ELF2: variants seen among roughly 807,000 people sequenced by gnomAD.
ELF2 encodes the protein E74 like ETS transcription factor 2, also known as ETS-related transcription factor Elf-2.
Under a neutral mutation model 54.8 loss-of-function variants are expected in ELF2, and 11 were observed. The observed-to-expected ratio is 0.20, with a 90% CI of 0.13 to 0.33. The LOEUF (loss-of-function observed/expected upper bound fraction) is 0.33. Among genes scored for constraint, ELF2 ranks in the 10% least tolerant of loss-of-function variants. The pLI is 1.00. For synonymous variants in ELF2, 203 were observed against 245.1 expected, an observed-to-expected ratio of 0.83 and a Z score of 1.61; for missense variants, 513 against 703.0, an observed-to-expected ratio of 0.73 and a Z score of 3.06.
intron 4 of ELF2, among the ~76,000 whole-genome samples, chr4:139,095,384 C>A (rs1037460449): frequency 6.6e-6 from 1 of 151,962 alleles, no homozygotes; most frequent in African/African-American, 2.4e-5. Flanking sequence ...AGAGTTTCGC[C>A]ATGTTGGCCA....
At chr4:139,079,607 G>A (rs1578726315) in intron 4 of ELF2, among the ~76,000 whole-genome samples, 3 of 152,350 alleles carry the variant, frequency 2.0e-5, no homozygotes, top group Admixed American at 2.0e-4. Flanking sequence ...ACATCAGGGT[G>A]TAGATGACAA....
chr4:139,115,294 G>A, intron 4 of ELF2: 3 of 1,590,572 alleles, frequency 1.9e-6, no homozygotes, highest in Non-Finnish European at 2.6e-6. Flanking sequence ...GAAAGTAGAC[G>A]CGTGGTCCTG....
At chr4:139,069,441 T>C (rs1170988748) in intron 6 of ELF2, among the ~76,000 whole-genome samples, 1 of 152,224 alleles carries the variant, frequency 6.6e-6, no homozygotes, top group Admixed American at 6.5e-5. Flanking sequence ...TATTTATACA[T>C]ATGAATCAGA....
At chr4:139,092,389 T>TAACAACATAACATAACA (rs1553959617) in intron 4 of ELF2, among the ~76,000 whole-genome samples, 1 of 116,960 alleles carries the variant, frequency 8.5e-6, no homozygotes, top group Non-Finnish European at 1.8e-5. Context: ...TAACATAACA[T>TAACAACATAACATAACA]AACATAACAT....
At chr4:139,143,726 G>A (rs1738942105) in intron 1 of ELF2, among the ~76,000 whole-genome samples, 1 of 152,130 alleles carries the variant, frequency 6.6e-6, no homozygotes, top group Non-Finnish European at 1.5e-5. Context: ...GTTGCAGTGA[G>A]CCAAGATCGA....
chr4:139,059,729 G>A lies in ELF2; in HGVS notation c.1158-122C>T, dbSNP rs904365641. 3 of 1,136,292 alleles carry A rather than the reference G, an allele frequency of 2.6e-6. No individual in the cohort carries two copies. The African/African-American group carries it at 4.7e-5, about 18-fold the overall frequency. 70.4% of individuals were successfully genotyped at this position (1,136,292 alleles called of 1,614,324 possible). On this transcript the variant is annotated intron_variant, in intron 9 of 9. Coordinates refer to ENST00000686138, the MANE Select transcript of ELF2 (RefSeq NM_001331036.3). ...AATTAGTGCTCCCAAATTTTACAGA[G>A]GTACTGGCAATCCCTGATGTTTGAC...
chr4:139,157,900 G>A (rs548763122), intron 1 of ELF2, among the ~76,000 whole-genome samples: 76 of 152,302 alleles, frequency 5.0e-4, no homozygotes, highest in South Asian at 4.8e-3. Flanking sequence ...GGCCAGTGGC[G>A]CAATGGATAA....
At position 139,137,660 on chromosome 4, in the gene ELF2, C is replaced by G; in HGVS notation, c.42G>C (p.Glu14Asp). 1 of 1,614,056 alleles carries G rather than the reference C, an allele frequency of 6.2e-7. No homozygotes were observed. Among genetic ancestry groups the G allele is most frequent in the Non-Finnish European group, 8.5e-7 (1 of 1,180,000 alleles). Reference sequence around the variant, plus strand: ...GATTTTCTACTCCATTGCTGGAAAGCTCCAAAATAGTACCTCCACTGTCAA... The same window carrying G: ...GATTTTCTACTCCATTGCTGGAAAGGTCCAAAATAGTACCTCCACTGTCAA... Reference protein sequence around the residue: ...AVVDSGGTILELSSNGVENQE... With the variant: ...AVVDSGGTILDLSSNGVENQE... Residue 14 changes from glutamate (E) to aspartate (D), a missense_variant, in exon 3 of 10, where the codon GAG becomes GAC. By Grantham distance (45) the Glu-to-Asp change is conservative. Coordinates refer to ENST00000686138, the MANE Select transcript of ELF2 (RefSeq NM_001331036.3).
chr4:139,108,391 A>G (rs577684135), intron 4 of ELF2, among the ~76,000 whole-genome samples: 1 of 152,270 alleles, frequency 6.6e-6, no homozygotes, highest in South Asian at 2.1e-4. Context: ...TATGGTAGCA[A>G]AATGGAAATT....
intron 4 of ELF2, chr4:139,115,189 C>G (rs1442069709): frequency 8.1e-6 from 13 of 1,611,874 alleles, no homozygotes; most frequent in Non-Finnish European, 1.0e-5. Flanking sequence ...TAGCTCCTTG[C>G]GGTCATACTT....
intron 3 of ELF2, among the ~76,000 whole-genome samples, chr4:139,128,535 T>A (rs1443507408): frequency 6.6e-6 from 1 of 151,988 alleles, no homozygotes; most frequent in Non-Finnish European, 1.5e-5. Context: ...TTTTTTTTTT[T>A]TTTTGAGACA....
At chr4:139,123,474 C>T (rs903041103) in intron 4 of ELF2, among the ~76,000 whole-genome samples, 5 of 152,072 alleles carry the variant, frequency 3.3e-5, no homozygotes, top group African/African-American at 4.8e-5. Flanking sequence ...AATAAAATCC[C>T]TTAAGTAGAT....
At chr4:139,162,976 T>C (rs1207434165) in intron 1 of ELF2, among the ~76,000 whole-genome samples, 1 of 152,082 alleles carries the variant, frequency 6.6e-6, no homozygotes, top group African/African-American at 2.4e-5. Context: ...CATGCTCCTG[T>C]AATCCCAGCT....
chr4:139,090,641 C>G (rs931716125), intron 4 of ELF2, among the ~76,000 whole-genome samples: 1 of 152,128 alleles, frequency 6.6e-6, no homozygotes, highest in East Asian at 1.9e-4. Flanking sequence ...GTCATCCATG[C>G]GGGAGTATAG....
At chr4:139,085,394 G>T (rs1475684340) in intron 4 of ELF2, among the ~76,000 whole-genome samples, 1 of 152,154 alleles carries the variant, frequency 6.6e-6, no homozygotes, top group East Asian at 1.9e-4. Flanking sequence ...TAAACAAAAA[G>T]ATCTGGCATT....
intron 4 of ELF2, chr4:139,084,057 G>A (rs1205744922): frequency 6.8e-6 from 11 of 1,607,280 alleles, no homozygotes; most frequent in African/African-American, 1.3e-5. Flanking sequence ...GACTGCTACA[G>A]GGGAGTCACC....
chr4:139,135,463 C>CT (rs1738057671), intron 3 of ELF2, among the ~76,000 whole-genome samples: 2 of 151,802 alleles, frequency 1.3e-5, no homozygotes, highest in African/African-American at 4.8e-5. Context: ...CCTCATTTAG[C>CT]TCTAAACTAA....
At chr4:139,102,662 G>A (rs567045497) in intron 4 of ELF2, among the ~76,000 whole-genome samples, 8 of 148,524 alleles carry the variant, frequency 5.4e-5, no homozygotes, top group African/African-American at 2.0e-4. Context: ...CCGAGATGGT[G>A]AAACCCCATC....
chr4:139,153,064 A>C (rs1266095578), intron 1 of ELF2, among the ~76,000 whole-genome samples: 2 of 152,038 alleles, frequency 1.3e-5, no homozygotes, highest in African/African-American at 4.8e-5. Context: ...ACAGCCCTGT[A>C]AAATAGGCAT....
Sources: gnomAD v4.1 joint callset for allele counts (sites outside exome capture counted in the v4.1 genomes callset) on GRCh38, gnomAD v4.1.1 for gene constraint, MANE v1.5 for transcripts, NCBI Gene and HGNC (gene_info 2026-07-23, HGNC 2026-07-21) for gene names.